The following SV2B variants were observed in gnomAD, a reference collection of about 807,000 sequenced individuals.
SV2B encodes synaptic vesicle glycoprotein 2B, also known as solute carrier family 22 member B2.
SV2B carries 41 observed loss-of-function variants against 73.9 expected under a neutral mutation model. That is an observed-to-expected ratio of 0.56 (90% CI 0.43 to 0.72). The LOEUF (loss-of-function observed/expected upper bound fraction) is 0.72, where lower values mean the gene tolerates loss of function less well. Ranked by LOEUF, SV2B falls within the 30% of genes least tolerant of loss-of-function variation. SV2B has a pLI of 0.00. For missense variants in SV2B, 764 were observed against 857.8 expected, an observed-to-expected ratio of 0.89 and a Z score of 1.37; for synonymous variants, 314 against 314.2, an observed-to-expected ratio of 1.00 and a Z score of 0.01.
intron 1 of SV2B, among the ~76,000 whole-genome samples, chr15:91,133,367 G>T (rs956687888): frequency 6.6e-6 from 1 of 152,040 alleles, no homozygotes; most frequent in African/African-American, 2.4e-5. Context: ...GGCAATATGT[G>T]TGGGAACTTT....
Position 91,191,474 on chromosome 15 carries a change from C to T in SV2B, c.-391-34399C>T, listed in dbSNP as rs7168463. Among the ~76,000 whole-genome samples, 550 of 152,094 alleles carry T rather than the reference C, an allele frequency of 3.6e-3. 3 individuals are homozygous for T. The highest frequency in any genetic ancestry group is 0.012 in the African/African-American group (513 of 41,482). On this transcript the variant is annotated intron_variant, in intron 1 of 12. Transcript: ENST00000394232. ...ACCTTTAGCAAGAATCTTGTTAAGC[C>T]AGTTTAGCAAAAATCTCTCTACTCT... is the stretch of plus-strand genomic sequence containing the variant.
chr15:91,205,953 G>C (rs1265764592), intron 1 of SV2B, among the ~76,000 whole-genome samples: 1 of 152,184 alleles, frequency 6.6e-6, no homozygotes, highest in East Asian at 1.9e-4. Context: ...CCCTTGGCAT[G>C]ATACATATGG....
chr15:91,163,910 G>A (rs1008528783), intron 1 of SV2B, among the ~76,000 whole-genome samples: 4 of 152,198 alleles, frequency 2.6e-5, no homozygotes, highest in African/African-American at 9.7e-5. Context: ...TAACATTTAA[G>A]TCTTTAATCC....
rs1251398280 is a variant in SV2B, at chr15:91,251,828, T to C, written c.461T>C (p.Val154Ala). ...SSKKGMLGMI[V>A]YLGMMAGAFI... Reference sequence around the variant, plus strand: ...CTCCCCCTCATTGCAGGGATGATAGTCTACTTGGGAATGATGGCGGGCGCC... The same window carrying C: ...CTCCCCCTCATTGCAGGGATGATAGCCTACTTGGGAATGATGGCGGGCGCC... Residue 154 changes from valine to alanine, a missense_variant, in exon 3 of 13, where the codon GTC (valine) becomes GCC (alanine). Coordinates refer to ENST00000394232, the MANE Select transcript of SV2B (RefSeq NM_001323032.3). 27 of 1,614,114 alleles carry C rather than the reference T, an allele frequency of 1.7e-5. No homozygotes were observed. Among genetic ancestry groups the C allele is most frequent in the Non-Finnish European group, 2.3e-5 (27 of 1,179,996 alleles).
intron 1 of SV2B, among the ~76,000 whole-genome samples, chr15:91,172,606 A>T (rs2044162841): frequency 6.6e-6 from 1 of 152,200 alleles, no homozygotes; most frequent in Admixed American, 6.5e-5. Context: ...GTCTCCTTCC[A>T]GGAAGTCTCC....
Position 91,252,310 on chromosome 15 carries a change from G to T in SV2B, c.633-59G>T. On this transcript the variant is annotated intron_variant, in intron 3 of 12. Coordinates refer to ENST00000394232, the MANE Select transcript of SV2B (RefSeq NM_001323032.3). The surrounding 1 kb of genome is among the most constrained non-coding windows in gnomAD (Gnocchi z 4.6). ...GTGGGGTATAGGCAACTTGGTTTCT[G>T]CTGTGACCATTTTTAGTGTATGACT... The T allele has an allele frequency of 6.4e-7, 1 of 1,554,066 alleles. No homozygotes were observed. The highest frequency in any genetic ancestry group is 8.7e-7 in the Non-Finnish European group (1 of 1,147,842).
At chr15:91,143,904 C>G (rs186430779) in intron 1 of SV2B, among the ~76,000 whole-genome samples, 1 of 152,312 alleles carries the variant, frequency 6.6e-6, no homozygotes, top group Admixed American at 6.5e-5. Flanking sequence ...AAGTGCCCTT[C>G]ATCACTGGAT....
chr15:91,129,869 G>A lies in SV2B; in HGVS notation c.-392+29506G>A, dbSNP rs2042590010. Among the ~76,000 whole-genome samples, 1 of 152,192 alleles carries A rather than the reference G, an allele frequency of 6.6e-6. No individual in the cohort carries two copies. The highest frequency in any genetic ancestry group is 1.5e-5 in the Non-Finnish European group (1 of 68,042). On this transcript the variant is annotated intron_variant, in intron 1 of 12. Transcript: ENST00000394232. The surrounding 1 kb of genome is among the most constrained non-coding windows in gnomAD (Gnocchi z 5.1). ...CATCTGTAAAAGAGAGACAAGAAGA[G>A]TACTCATGCGGGGATCTCGGGAGGG... is the stretch of plus-strand genomic sequence containing the variant.
At position 91,266,622 on chromosome 15, in the gene SV2B, T is replaced by C. The variant is rs988512294; in HGVS notation, c.1049T>C (p.Ile350Thr). The C allele has an allele frequency of 9.9e-6, 16 of 1,614,040 alleles. No homozygotes were observed. Among genetic ancestry groups the C allele is most frequent in the African/African-American group, 2.7e-5 (2 of 74,936 alleles). Reference sequence around the variant, plus strand: ...ACTCCCAAGCAAATGGATGAATTCATTGAGATCCAAAGTTCAACAGGAACC... The same window carrying C: ...ACTCCCAAGCAAATGGATGAATTCACTGAGATCCAAAGTTCAACAGGAACC... ...IKTPKQMDEF[I>T]EIQSSTGTWY... The change falls in exon 7 of 13, where the codon ATT (isoleucine) becomes ACT (threonine). Residue 350 changes from isoleucine (I) to threonine (T), a missense_variant. Ile to Thr is a moderately conservative substitution (Grantham distance 89). Transcript: ENST00000394232.
At chr15:91,142,907 T>C (rs1219523320) in intron 1 of SV2B, among the ~76,000 whole-genome samples, 1 of 152,254 alleles carries the variant, frequency 6.6e-6, no homozygotes, top group Non-Finnish European at 1.5e-5. Flanking sequence ...AAGTTTAGCA[T>C]ATACTCTTAC....
rs1450812419 is a variant in SV2B, at chr15:91,268,779, CTG to C, written c.1373+178_1373+179del. ...AGTGACGCCATAGCTCCCCTAGTGG[CTG>C]TGTCTGTGTTGTGCTGGCTCCCCGA... is the stretch of plus-strand genomic sequence containing the variant. On this transcript the variant is annotated intron_variant, in intron 9 of 12. Transcript: ENST00000394232. This position sits in a 1 kb window ranked among gnomAD's most constrained non-coding sequence, Gnocchi z 4.4. Among the ~76,000 whole-genome samples, 1 of 152,188 alleles carries C rather than the reference CTG, an allele frequency of 6.6e-6. No individual in the cohort carries two copies. The highest frequency in any genetic ancestry group is 2.4e-5 in the African/African-American group (1 of 41,442).
At chr15:91,262,617 TCCA>T (rs2047949859) in intron 6 of SV2B, among the ~76,000 whole-genome samples, 1 of 147,284 alleles carries the variant, frequency 6.8e-6, no homozygotes, top group Non-Finnish European at 1.5e-5. Context: ...CCTCCCACCC[TCCA>T]CCCCCAAGTA....
At chr15:91,116,641 CAG>C (rs2042186843) in intron 1 of SV2B, among the ~76,000 whole-genome samples, 1 of 152,186 alleles carries the variant, frequency 6.6e-6, no homozygotes, top group Admixed American at 6.5e-5. Flanking sequence ...CATGCACTGA[CAG>C]AGCTAGAAAA....
At chr15:91,194,950 T>C (rs1275950162) in intron 1 of SV2B, among the ~76,000 whole-genome samples, 1 of 152,174 alleles carries the variant, frequency 6.6e-6, no homozygotes, top group African/African-American at 2.4e-5. Flanking sequence ...TCCTCGGCCA[T>C]GATGACTGGC....
At chr15:91,149,582 A>G (rs2043248159) in intron 1 of SV2B, among the ~76,000 whole-genome samples, 1 of 152,228 alleles carries the variant, frequency 6.6e-6, no homozygotes, top group Non-Finnish European at 1.5e-5. Context: ...AACCTGAATC[A>G]CTGGGAGCCA....
chr15:91,138,259 C>T (rs1018634911), intron 1 of SV2B, among the ~76,000 whole-genome samples: 5 of 152,312 alleles, frequency 3.3e-5, no homozygotes, highest in East Asian at 1.9e-4. Context: ...CACAGTCTAA[C>T]GTAGTAGCCA....
At chr15:91,233,354 A>C (rs1375852016) in intron 2 of SV2B, among the ~76,000 whole-genome samples, 1 of 152,228 alleles carries the variant, frequency 6.6e-6, no homozygotes, top group Non-Finnish European at 1.5e-5. Flanking sequence ...TTACTGGACA[A>C]AGTGGGGGAA....
At chr15:91,193,334 G>T (rs2045116257) in intron 1 of SV2B, among the ~76,000 whole-genome samples, 1 of 152,182 alleles carries the variant, frequency 6.6e-6, no homozygotes, top group Non-Finnish European at 1.5e-5. Context: ...ACGTTGGCCT[G>T]TGTGGTCAGC....
chr15:91,161,065 A>G (rs2043697659), intron 1 of SV2B, among the ~76,000 whole-genome samples: 1 of 152,208 alleles, frequency 6.6e-6, no homozygotes, highest in Non-Finnish European at 1.5e-5. Flanking sequence ...ACAAAAAATG[A>G]CATATTGTAT....
Sources: allele counts gnomAD v4.1 joint callset (sites outside exome capture counted in the v4.1 genomes callset), GRCh38; gene constraint gnomAD v4.1.1; non-coding constraint Gnocchi (gnomAD v3.1); transcripts MANE v1.5; gene names NCBI Gene and HGNC (gene_info 2026-07-23, HGNC 2026-07-21).